ATP11A: variants seen among roughly 807,000 people sequenced by gnomAD.
ATP11A encodes the protein phospholipid-transporting ATPase IH.
ATP11A carries 81 observed loss-of-function variants against 154.4 expected under a neutral mutation model. The observed-to-expected ratio is 0.52, with a 90% CI of 0.44 to 0.63. The LOEUF (loss-of-function observed/expected upper bound fraction) is 0.63, where lower values mean the gene tolerates loss of function less well. Among genes scored for constraint, ATP11A ranks in the 30% least tolerant of loss-of-function variants. The pLI is 0.00. For missense variants in ATP11A, 1,316 were observed against 1,474.3 expected, an observed-to-expected ratio of 0.89 and a Z score of 1.76; for synonymous variants, 623 against 585.9, an observed-to-expected ratio of 1.06 and a Z score of -0.91.
chr13:112,816,357 C>T (rs2078645844), intron 6 of ATP11A, 146 bp downstream of exon 6: 3 of 1,034,034 alleles, frequency 2.9e-6, no homozygotes, highest in Non-Finnish European at 4.1e-6. Flanking sequence ...TGTTTTTCCT[C>T]ACTTTTCCTT....
chr13:112,811,651 G>C (rs895792919), intron 5 of ATP11A: 2 of 151,996 alleles, frequency 1.3e-5, no homozygotes, highest in Non-Finnish European at 2.9e-5. Flanking sequence ...TGTCACCCAG[G>C]CTGGAGTGCA....
chr13:112,868,638 A>C (rs1013412661), intron 25 of ATP11A, among the ~76,000 whole-genome samples: 1 of 152,192 alleles, frequency 6.6e-6, no homozygotes, highest in Non-Finnish European at 1.5e-5. Flanking sequence ...AAGCCCTTTG[A>C]AAAAGGAGAT....
chr13:112,837,450 C>G (rs186605782), intron 16 of ATP11A, among the ~76,000 whole-genome samples: 1 of 152,248 alleles, frequency 6.6e-6, no homozygotes, highest in Non-Finnish European at 1.5e-5. Context: ...CTGCACGCAT[C>G]CCGAACGCAG....
At chr13:112,714,213 G>T (rs775184253) in intron 1 of ATP11A, among the ~76,000 whole-genome samples, 5 of 136,018 alleles carry the variant, frequency 3.7e-5, no homozygotes, top group Non-Finnish European at 7.9e-5. Flanking sequence ...TCTTGCACCC[G>T]CTCTCTTTCC....
rs2080935252 is a variant in ATP11A, at chr13:112,883,891, CTG to C, written c.*2027_*2028del. On this transcript the variant is annotated 3_prime_UTR_variant, in exon 30 of 30. Coordinates refer to ENST00000375645, the MANE Select transcript of ATP11A (RefSeq NM_015205.3). Reference sequence around the variant, plus strand: ...AACACCTGTAGCGGGGGCAGATTCTCTGTATGTTCAGTTAACAAATTATTTGT... The same window carrying C: ...AACACCTGTAGCGGGGGCAGATTCTCTATGTTCAGTTAACAAATTATTTGT... 1.3e-5 allele frequency: 2 copies of C among 152,586 alleles called. No homozygotes were observed. The highest frequency in any genetic ancestry group is 2.9e-5 in the Non-Finnish European group (2 of 68,032). The allele number at this position is 152,586 out of a possible 1,614,324, so 9.5% of individuals were successfully genotyped here. A position where few individuals can be genotyped will look rare whatever the true frequency, so the allele number is the denominator to read the frequency against.
At chr13:112,872,713 C>G (rs1017390087) in intron 26 of ATP11A, among the ~76,000 whole-genome samples, 1 of 152,246 alleles carries the variant, frequency 6.6e-6, no homozygotes, top group Non-Finnish European at 1.5e-5. Context: ...GTCTGTGGCC[C>G]GCATGCTGCC....
At chr13:112,733,348 C>T (rs900037709) in intron 1 of ATP11A, among the ~76,000 whole-genome samples, 15 of 152,180 alleles carry the variant, frequency 9.9e-5, no homozygotes, top group African/African-American at 3.6e-4. Context: ...GATGCAGGAT[C>T]CGCAGTGGGG....
intron 1 of ATP11A, among the ~76,000 whole-genome samples, chr13:112,700,336 G>T (rs1460033879): frequency 6.6e-6 from 1 of 152,212 alleles, no homozygotes. Flanking sequence ...GGGCACCTCC[G>T]GGAGGCAGCC....
intron 1 of ATP11A, among the ~76,000 whole-genome samples, chr13:112,725,515 G>A (rs553523225): frequency 2.0e-5 from 3 of 152,336 alleles, no homozygotes; most frequent in Admixed American, 1.3e-4. Context: ...GTCTGCACGC[G>A]GCTGGCTCTG....
rs1342567779 is a variant in ATP11A, at chr13:112,807,208, GCAGTTGGCAA to G, written c.333+918_333+927del. 6.6e-6 allele frequency among the ~76,000 whole-genome samples: 1 copy of G among 152,266 alleles called. No homozygotes were observed. Among genetic ancestry groups the G allele is most frequent in the African/African-American group, 2.4e-5 (1 of 41,476 alleles). The stretch of plus-strand genomic sequence containing the variant: ...GAGCGTGGCGGAGCCACCAAGCACA[GCAGTTGGCAA>G]CATCTGACACAGGCAGAGATGGGGA... On this transcript the variant is annotated intron_variant, in intron 4 of 29. Coordinates refer to ENST00000375645, the MANE Select transcript of ATP11A (RefSeq NM_015205.3). The surrounding 1 kb of genome is among the most constrained non-coding windows in gnomAD (Gnocchi z 4.5).
At chr13:112,860,020 A>G (rs990313858) in intron 23 of ATP11A, among the ~76,000 whole-genome samples, 1 of 151,428 alleles carries the variant, frequency 6.6e-6, no homozygotes, top group Non-Finnish European at 1.5e-5. Context: ...AGAATTGCAA[A>G]TGTTTTCTGT....
At chr13:112,711,787 G>A (rs1415519963) in intron 1 of ATP11A, among the ~76,000 whole-genome samples, 1 of 152,240 alleles carries the variant, frequency 6.6e-6, no homozygotes, top group African/African-American at 2.4e-5. Context: ...CCGGATGTGT[G>A]GAGTAAGAGG....
chr13:112,715,310 T>G (rs1888291167), intron 1 of ATP11A, among the ~76,000 whole-genome samples: 1 of 147,470 alleles, frequency 6.8e-6, no homozygotes, highest in African/African-American at 2.5e-5. Context: ...ATGTGCACTC[T>G]TGGCTTTGTA....
At chr13:112,832,822 A>C (rs200615538) in intron 13 of ATP11A, 38 bp from the exon 14 acceptor site, 18 of 1,596,440 alleles carry the variant, frequency 1.1e-5, no homozygotes, top group Non-Finnish European at 1.5e-5. Context: ...CAGTGGACGC[A>C]CCGTGATTTG....
intron 1 of ATP11A, among the ~76,000 whole-genome samples, chr13:112,693,932 A>G (rs1353765540): frequency 5.3e-5 from 8 of 152,216 alleles, no homozygotes; most frequent in Admixed American, 3.3e-4. Context: ...AGCCTGGGCA[A>G]CAAGAGCGAA....
rs558391800 is a variant in ATP11A, at chr13:112,832,034, A to C, written c.1395+486A>C. Among the ~76,000 whole-genome samples, 15 of 152,102 alleles carry C rather than the reference A, an allele frequency of 9.9e-5. No homozygotes were observed. In the South Asian group the frequency reaches 2.3e-3, roughly 23 times the overall value. ...CACGCTCACATGCAGACACACTCTC[A>C]CACACTCCCTGACACTGTGTGCACA... On this transcript the variant is annotated intron_variant, in intron 13 of 29. Transcript: ENST00000375645.
At chr13:112,803,582 TG>T (rs60466099) in intron 2 of ATP11A, among the ~76,000 whole-genome samples, 50,939 of 151,960 alleles carry the variant, frequency 0.34, 8,935 homozygotes, top group African/African-American at 0.43. Flanking sequence ...TCGTGACATC[TG>T]GGACGTTGTT....
At chr13:112,748,731 T>C (rs1257801138) in intron 1 of ATP11A, among the ~76,000 whole-genome samples, 3 of 152,164 alleles carry the variant, frequency 2.0e-5, no homozygotes, top group Non-Finnish European at 4.4e-5. Context: ...AGCAATTGTG[T>C]TTTTGCTAGC....
At chr13:112,854,621 T>C (rs2079871483) in intron 19 of ATP11A, 91 bp downstream of exon 19, 4 of 1,444,250 alleles carry the variant, frequency 2.8e-6, no homozygotes, top group Non-Finnish European at 3.7e-6. Context: ...GGAGCCGCAT[T>C]GTCTCTACTG....
Sources: gnomAD v4.1 joint callset for allele counts (sites outside exome capture counted in the v4.1 genomes callset) on GRCh38, gnomAD v4.1.1 for gene constraint, Gnocchi (gnomAD v3.1) non-coding constraint, MANE v1.5 for transcripts, NCBI Gene and HGNC (gene_info 2026-07-23, HGNC 2026-07-21) for gene names.